The following ZNF462 variants were observed in gnomAD, a reference collection of about 807,000 sequenced individuals.
The protein encoded by ZNF462 is zinc finger protein 462, also known as zinc finger PBX1-interacting protein.
Under a neutral mutation model 201.9 loss-of-function variants are expected in ZNF462, and 10 were observed. The ratio of observed to expected loss-of-function variants is 0.05; its 90% CI spans 0.03 to 0.08. ZNF462 has a LOEUF of 0.08. Ranked by LOEUF, ZNF462 falls within the 10% of genes least tolerant of loss-of-function variation. ZNF462 has a pLI of 1.00. For missense variants in ZNF462, 2,523 were observed against 3,168.3 expected (o/e 0.80, Z 4.89); for synonymous variants, 1,227 against 1,193.3 (o/e 1.03, Z -0.58).
Position 106,926,561 on chromosome 9 carries a change from T to C in ZNF462, c.2649T>C (p.Ser883=), listed in dbSNP as rs1352227242. Reference sequence around the variant, plus strand: ...ACATCTTGGACCCCAATGATCACAGTGCAGTGTACAGGTGCCTGGAATGCT... The same window carrying C: ...ACATCTTGGACCCCAATGATCACAGCGCAGTGTACAGGTGCCTGGAATGCT... The part of the protein sequence containing the change: ...FRYILDPNDH[S]AVYRCLECYI... The change falls in exon 3 of 13, where the codon AGT becomes AGC. Residue 883 remains serine, a synonymous_variant. Coordinates refer to ENST00000277225, the MANE Select transcript of ZNF462 (RefSeq NM_021224.6). The surrounding 1 kb of genome is among the most constrained non-coding windows in gnomAD (Gnocchi z 7.9). The C allele has an allele frequency of 1.2e-6, 2 of 1,614,146 alleles. No individual in the cohort carries two copies. The highest frequency in any genetic ancestry group is 1.1e-5 in the South Asian group (1 of 91,074).
At position 106,865,666 on chromosome 9, in the gene ZNF462, C is replaced by T. The variant is rs1211691490; in HGVS notation, c.-31+2311C>T. On this transcript the variant is annotated intron_variant, in intron 1 of 12. Coordinates refer to ENST00000277225, the MANE Select transcript of ZNF462 (RefSeq NM_021224.6). This position sits in a 1 kb window ranked among gnomAD's most constrained non-coding sequence, Gnocchi z 4.1. ...GTGTTCTGAAGTACTCTTAAGTCTT[C>T]AGAAATATCAGTATGTCTTCTTAAC... 1.3e-5 allele frequency among the ~76,000 whole-genome samples: 2 copies of T among 152,090 alleles called. No individual in the cohort carries two copies. Among genetic ancestry groups the T allele is most frequent in the Non-Finnish European group, 2.9e-5 (2 of 68,018 alleles).
intron 9 of ZNF462, chr9:106,975,814 A>G (rs1020965706): frequency 6.6e-6 from 1 of 152,242 alleles, no homozygotes; most frequent in African/African-American, 2.4e-5. Flanking sequence ...AACAAGCTCA[A>G]TGACTTTCCC....
Position 106,927,140 on chromosome 9 carries a change from T to A in ZNF462, c.3228T>A (p.Ser1076=). 1 of 1,614,218 alleles carries A rather than the reference T, an allele frequency of 6.2e-7. No homozygotes were observed. The highest frequency in any genetic ancestry group is 8.5e-7 in the Non-Finnish European group (1 of 1,180,036). The change falls in exon 3 of 13, where the codon TCT becomes TCA. Residue 1076 remains serine (S), a synonymous_variant. Coordinates refer to ENST00000277225, the MANE Select transcript of ZNF462 (RefSeq NM_021224.6). ...TMRMVSVDRG[S]ALSQLSFEVG... The stretch of plus-strand genomic sequence containing the variant: ...GAATGGTGTCTGTGGACAGGGGCTC[T>A]GCCCTTTCTCAATTATCATTTGAGG...
At position 106,984,016 on chromosome 9, in the gene ZNF462, T is replaced by TA. The variant is rs1241554361; in HGVS notation, c.6833-169dup. The stretch of plus-strand genomic sequence containing the variant: ...AAAACACCCACTCATTCCTGAGGAA[T>TA]ATGTTGTTTGGGGGTTAGGGGAGGG... On this transcript the variant is annotated intron_variant, in intron 9 of 12. Coordinates refer to ENST00000277225, the MANE Select transcript of ZNF462 (RefSeq NM_021224.6). The surrounding 1 kb of genome is among the most constrained non-coding windows in gnomAD (Gnocchi z 6.4). Among the ~76,000 whole-genome samples, 2 of 152,122 alleles carry TA rather than the reference T, an allele frequency of 1.3e-5. No homozygotes were observed. The highest frequency in any genetic ancestry group is 4.8e-5 in the African/African-American group (2 of 41,444).
chr9:106,926,527 G>A lies in ZNF462; in HGVS notation c.2615G>A (p.Ser872Asn). 6.2e-7 allele frequency: 1 copy of A among 1,614,096 alleles called. No homozygotes were observed. The highest frequency in any genetic ancestry group is 8.5e-7 in the Non-Finnish European group (1 of 1,180,026). ...CGAATGCACCCATACATTAAATTCAGCTTTAGGTACATCTTGGACCCCAAT... is the reference window on the plus strand; with the variant it reads ...CGAATGCACCCATACATTAAATTCAACTTTAGGTACATCTTGGACCCCAAT... ...YQRMHPYIKF[S>N]FRYILDPNDH... The change falls in exon 3 of 13, where the codon AGC (serine) becomes AAC (asparagine). Residue 872 changes from serine (S) to asparagine (N), a missense_variant. Physicochemically the swap from Ser to Asn is conservative, Grantham distance 46. This residue lies in a region of ZNF462 where 11 missense variants were observed against 41.0 expected (regional missense o/e 0.27). Coordinates refer to ENST00000277225, the MANE Select transcript of ZNF462 (RefSeq NM_021224.6). This position sits in a 1 kb window ranked among gnomAD's most constrained non-coding sequence, Gnocchi z 7.9.
intron 10 of ZNF462, among the ~76,000 whole-genome samples, chr9:106,994,015 A>C (rs984985193): frequency 1.3e-5 from 2 of 152,150 alleles, no homozygotes; most frequent in Non-Finnish European, 1.5e-5. Context: ...TTTATATGCA[A>C]TACCTTGTTA....
At position 106,974,396 on chromosome 9, in the gene ZNF462, C is replaced by G. The variant is rs1211603254; in HGVS notation, c.6832+123C>G. 2.1e-6 allele frequency: 3 copies of G among 1,436,766 alleles called. No homozygotes were observed. The African/African-American group carries it at 4.2e-5, about 20-fold the overall frequency. The allele number at this position is 1,436,766 out of a possible 1,614,324, so 89.0% of individuals were successfully genotyped here. On this transcript the variant is annotated intron_variant, in intron 9 of 12. Transcript: ENST00000277225. The surrounding 1 kb of genome is among the most constrained non-coding windows in gnomAD (Gnocchi z 4.0). ...CCTTGTTCCTCACCTTATCTTCAGGCAAGAAACCACAGTGATAACCACAGT... is the reference window on the plus strand; with the variant it reads ...CCTTGTTCCTCACCTTATCTTCAGGGAAGAAACCACAGTGATAACCACAGT...
chr9:107,009,740 T>C lies in ZNF462; in HGVS notation c.7313+72T>C. On this transcript the variant is annotated intron_variant, in intron 12 of 12. Transcript: ENST00000277225. This position sits in a 1 kb window ranked among gnomAD's most constrained non-coding sequence, Gnocchi z 6.1. The stretch of plus-strand genomic sequence containing the variant: ...GGGAGGGAGGGAGGGGCTCTTGTTT[T>C]GGTTCCCCTGACAGTATGTACACCC... 3 of 1,592,692 alleles carry C rather than the reference T, an allele frequency of 1.9e-6. No individual in the cohort carries two copies. The highest frequency in any genetic ancestry group is 2.3e-5 in the South Asian group (2 of 87,156).
intron 7 of ZNF462, among the ~76,000 whole-genome samples, chr9:106,967,586 G>A (rs1274132203): frequency 2.0e-5 from 3 of 151,942 alleles, no homozygotes; most frequent in Non-Finnish European, 4.4e-5. Context: ...GCCCTTACCT[G>A]GTTTGAAATC....
At position 106,925,420 on chromosome 9, in the gene ZNF462, A is replaced by C; in HGVS notation, c.1508A>C (p.Asn503Thr). The change falls in exon 3 of 13, where the codon AAT (asparagine) becomes ACT (threonine). Residue 503 changes from asparagine to threonine, a missense_variant. Physicochemically the swap from Asn to Thr is moderately conservative, Grantham distance 65. Transcript: ENST00000277225. The surrounding 1 kb of genome is among the most constrained non-coding windows in gnomAD (Gnocchi z 7.9). ...ACAACGTCAGATTGGGATGCTGTGA[A>C]TTCCCAGAGTGAAAGCATTTCTTCC... ...TGTTSDWDAV[N>T]SQSESISSSL... The C allele has an allele frequency of 1.2e-6, 2 of 1,614,216 alleles. No individual in the cohort carries two copies. Among genetic ancestry groups the C allele is most frequent in the Non-Finnish European group, 8.5e-7 (1 of 1,180,046 alleles).
chr9:106,864,541 A>G (rs1423276605), intron 1 of ZNF462, among the ~76,000 whole-genome samples: 4 of 152,206 alleles, frequency 2.6e-5, no homozygotes, highest in Non-Finnish European at 4.4e-5. Context: ...TCCAGACTCC[A>G]AAACACAAAG....
rs191025726 is a variant in ZNF462, at chr9:106,876,921, C to T, written c.-31+13566C>T. 2.0e-5 allele frequency among the ~76,000 whole-genome samples: 3 copies of T among 152,270 alleles called. No individual in the cohort carries two copies. Among genetic ancestry groups the T allele is most frequent in the Admixed American group, 6.5e-5 (1 of 15,292 alleles). On this transcript the variant is annotated intron_variant, in intron 1 of 12. Coordinates refer to ENST00000277225, the MANE Select transcript of ZNF462 (RefSeq NM_021224.6). This position sits in a 1 kb window ranked among gnomAD's most constrained non-coding sequence, Gnocchi z 4.9. ...ATCTCTTAGCCAGTTTGAGGACTGC[C>T]CCATAGCCTGGCTTAGAAATGCTTT...
chr9:106,964,046 ACAC>A (rs913385865), intron 7 of ZNF462, among the ~76,000 whole-genome samples: 4 of 141,210 alleles, frequency 2.8e-5, no homozygotes, highest in African/African-American at 8.3e-5. Context: ...TGTGTGTTAT[ACAC>A]CACATTTTCT....
In ZNF462 at chr9:106,925,528, A is replaced by G; in HGVS notation, c.1616A>G (p.Gln539Arg). The G allele has an allele frequency of 6.2e-7, 1 of 1,613,908 alleles. No homozygotes were observed. The highest frequency in any genetic ancestry group is 8.5e-7 in the Non-Finnish European group (1 of 1,179,918). Residue 539 changes from glutamine (Q) to arginine (R), a missense_variant, in exon 3 of 13, where the codon CAG becomes CGG. This residue lies in a region of ZNF462 where 383 missense variants were observed against 453.4 expected (regional missense o/e 0.84). Transcript: ENST00000277225. The surrounding 1 kb of genome is among the most constrained non-coding windows in gnomAD (Gnocchi z 7.9). ...KSGVMLDPLQQQQPPQPPPPP... is the reference protein window; with the variant it reads ...KSGVMLDPLQRQQPPQPPPPP... ...GGAGTCATGTTGGATCCCTTGCAGC[A>G]GCAACAGCCACCGCAGCCACCACCA...
chr9:106,930,798 C>T lies in ZNF462; in HGVS notation c.6012+109C>T, dbSNP rs1830394074. On this transcript the variant is annotated intron_variant, in intron 4 of 12. Transcript: ENST00000277225. The surrounding 1 kb of genome is among the most constrained non-coding windows in gnomAD (Gnocchi z 5.8). ...AAGAGCATCTCAGAATGCGGGCATT[C>T]CTGAATTATGCTTGGATTGGTTTGG... is the stretch of plus-strand genomic sequence containing the variant. The T allele has an allele frequency of 4.5e-6, 6 of 1,328,678 alleles. No individual in the cohort carries two copies. The highest frequency in any genetic ancestry group is 6.2e-6 in the Non-Finnish European group (6 of 966,520). 82.3% of individuals were successfully genotyped at this position (1,328,678 alleles called of 1,614,324 possible). A position where few individuals can be genotyped will look rare whatever the true frequency, so the allele number is the denominator to read the frequency against.
In ZNF462 at chr9:106,955,977, A is replaced by G. The variant is rs368535970; in HGVS notation, c.6428-16028A>G. ...AGTCTTAAACCCCTCAAAGTCATCC[A>G]TGAGAGTTGGAATCAACTTCTTCGA... On this transcript the variant is annotated intron_variant, in intron 7 of 12. Coordinates refer to ENST00000277225, the MANE Select transcript of ZNF462 (RefSeq NM_021224.6). 2.6e-4 allele frequency among the ~76,000 whole-genome samples: 40 copies of G among 152,244 alleles called. No individual in the cohort carries two copies. The East Asian group carries it at 2.9e-3, about 11-fold the overall frequency.
chr9:106,868,074 G>GAAA (rs5899719), intron 1 of ZNF462, among the ~76,000 whole-genome samples: 7 of 145,508 alleles, frequency 4.8e-5, no homozygotes, highest in South Asian at 4.4e-4. Flanking sequence ...CCAGTGAACT[G>GAAA]AAAAAAAAAA....
Position 106,938,973 on chromosome 9 carries a change from T to C in ZNF462, c.6293T>C (p.Leu2098Pro). 6.2e-7 allele frequency: 1 copy of C among 1,613,922 alleles called. No individual in the cohort carries two copies. Among genetic ancestry groups the C allele is most frequent in the Non-Finnish European group, 8.5e-7 (1 of 1,179,914 alleles). Residue 2098 changes from leucine (L) to proline (P), a missense_variant, in exon 7 of 13, where the codon CTG (leucine) becomes CCG (proline). By Grantham distance (98) the Leu-to-Pro change is moderately conservative. Around this residue, in one of 15 missense-constraint regions of ZNF462, gnomAD observed 138 missense variants for 146.3 expected, o/e 0.94. Transcript: ENST00000277225. This position sits in a 1 kb window ranked among gnomAD's most constrained non-coding sequence, Gnocchi z 4.4. ...TTCTCCACCATGACAATCAGCCAGCTGAAGGAACACTCCCTCAAGGTCCAC... is the reference window on the plus strand; with the variant it reads ...TTCTCCACCATGACAATCAGCCAGCCGAAGGAACACTCCCTCAAGGTCCAC... ...CSFSTMTISQLKEHSLKVHGK... is the reference protein window; with the variant it reads ...CSFSTMTISQPKEHSLKVHGK...
chr9:106,921,460 A>G (rs768126860), intron 1 of ZNF462, among the ~76,000 whole-genome samples: 1 of 152,220 alleles, frequency 6.6e-6, no homozygotes, highest in Non-Finnish European at 1.5e-5. Flanking sequence ...AGGAGAAGCC[A>G]TGTTGTGCAC....
Sources: allele counts gnomAD v4.1 joint callset (sites outside exome capture counted in the v4.1 genomes callset), GRCh38; gene constraint gnomAD v4.1.1; regional missense constraint gnomAD v4.1.1; non-coding constraint Gnocchi (gnomAD v3.1); transcripts MANE v1.5; gene names NCBI Gene and HGNC (gene_info 2026-07-23, HGNC 2026-07-21).